Variants in PCNT observed in about 807,000 individuals in gnomAD.
PCNT encodes kendrin.
Under a neutral mutation model 380.4 loss-of-function variants are expected in PCNT, and 319 were observed. That is an observed-to-expected ratio of 0.84 (90% CI 0.77 to 0.92). The LOEUF is 0.92. Ranked by LOEUF, PCNT falls within the 40% of genes least tolerant of loss-of-function variation. The probability of loss-of-function intolerance (pLI) is 0.00; values close to 1 mark genes in which losing one functional copy is unlikely to be tolerated. For missense variants in PCNT, 4,400 were observed against 4,255.3 expected, an observed-to-expected ratio of 1.03 and a Z score of -0.95; for synonymous variants, 1,845 against 1,735.2, an observed-to-expected ratio of 1.06 and a Z score of -1.57.
chr21:46,353,779 G>A (rs1003686020), intron 10 of PCNT, among the ~76,000 whole-genome samples: 3 of 151,008 alleles, frequency 2.0e-5, no homozygotes, highest in Non-Finnish European at 2.9e-5. Context: ...AGTCAGTGGC[G>A]GGCACACTTT....
rs542290755 is a variant in PCNT at position 46,332,571 on chromosome 21, A to G, written c.268-1826A>G. ...TCATGTGAGCGGGCAGCTGATTGAG[A>G]CTACTGTGTCCCCTTTTCGTCCCTC... On this transcript the variant is annotated intron_variant, in intron 2 of 46. Coordinates refer to ENST00000359568, the MANE Select transcript of PCNT (RefSeq NM_006031.6). Among the ~76,000 whole-genome samples the G allele has an allele frequency of 2.0e-5, 3 of 152,200 alleles. No individual in the cohort carries two copies. In the South Asian group the frequency reaches 6.2e-4, roughly 32 times the overall value.
intron 13 of PCNT, among the ~76,000 whole-genome samples, chr21:46,361,195 G>A (rs1345706042): frequency 1.3e-5 from 2 of 152,246 alleles, no homozygotes; most frequent in Middle Eastern, 3.4e-3. Context: ...GACCAGCCTG[G>A]CCAACATGGG....
At chr21:46,377,373 A>G (rs570291696) in intron 15 of PCNT, among the ~76,000 whole-genome samples, 19 of 152,366 alleles carry the variant, frequency 1.2e-4, no homozygotes, top group South Asian at 1.2e-3. Flanking sequence ...AGTAGATACA[A>G]AAAACTTACT....
intron 15 of PCNT, among the ~76,000 whole-genome samples, chr21:46,378,364 C>T (rs991810433): frequency 1.3e-5 from 2 of 152,166 alleles, no homozygotes; most frequent in Admixed American, 6.5e-5. Context: ...GTCTCTGGCA[C>T]GTCTGAATTG....
At chr21:46,429,958 T>C (rs899192057) in intron 35 of PCNT, 52 bp from the exon 36 acceptor site, 7 of 1,464,734 alleles carry the variant, frequency 4.8e-6, no homozygotes, top group Non-Finnish European at 4.8e-6. Context: ...GTGTCACTTG[T>C]GCAGCACGAG....
chr21:46,360,680 A>C (rs974767828), intron 13 of PCNT, among the ~76,000 whole-genome samples: 3 of 150,998 alleles, frequency 2.0e-5, no homozygotes, highest in Admixed American at 2.0e-4. Context: ...CACCACACCC[A>C]GCTAATTTTT....
In PCNT at chr21:46,430,229, T is replaced by C; in HGVS notation, c.7910T>C (p.Leu2637Pro). The part of the protein sequence containing the change: ...LCEVQQEVLQ[L>P]RSMLSSKENE... ...GAGGTGCAGCAGGAGGTCCTCCAGC[T>C]GAGGTGCGCCTGATCCCCCTTCCTG... The change falls in exon 36 of 47, where the codon CTG becomes CCG. Residue 2637 changes from leucine (L) to proline (P), a missense_variant. By Grantham distance (98) the Leu-to-Pro change is moderately conservative. Coordinates refer to ENST00000359568, the MANE Select transcript of PCNT (RefSeq NM_006031.6). The C allele has an allele frequency of 6.2e-7, 1 of 1,612,396 alleles. No individual in the cohort carries two copies. Among genetic ancestry groups the C allele is most frequent in the South Asian group, 1.1e-5 (1 of 91,010 alleles).
At chr21:46,370,823 C>G (rs2085096458) in intron 15 of PCNT, among the ~76,000 whole-genome samples, 1 of 152,176 alleles carries the variant, frequency 6.6e-6, no homozygotes, top group Non-Finnish European at 1.5e-5. Flanking sequence ...ATCATGAGGT[C>G]AGGAGATCAA....
chr21:46,325,034 G>C (rs2083326446), intron 1 of PCNT: 1 of 985,342 alleles, frequency 1.0e-6, no homozygotes, highest in Admixed American at 6.1e-5. Context: ...CGCCTTCAAG[G>C]GACGCGCTCC....
intron 46 of PCNT, among the ~76,000 whole-genome samples, 187 bp from the exon 47 acceptor site, chr21:46,445,097 T>G (rs1249209124): frequency 6.6e-6 from 1 of 152,234 alleles, no homozygotes; most frequent in East Asian, 1.9e-4. Flanking sequence ...ACATAAAGAT[T>G]ATATTTCGAC....
rs1353747268 is a variant in PCNT, at chr21:46,338,352, C to T, written c.639+3584C>T. On this transcript the variant is annotated intron_variant, in intron 3 of 46. Coordinates refer to ENST00000359568, the MANE Select transcript of PCNT (RefSeq NM_006031.6). ...GGCAACCAGTGGTCTGTTTTTTGTT[C>T]TATGGTTTTGCCTTTTCCAGAATGT... 1.3e-5 allele frequency among the ~76,000 whole-genome samples: 2 copies of T among 152,124 alleles called. 1 individual carries two copies. The highest frequency in any genetic ancestry group is 2.9e-5 in the Non-Finnish European group (2 of 68,004).
chr21:46,344,098 T>C (rs912078700), intron 3 of PCNT, among the ~76,000 whole-genome samples: 1 of 151,268 alleles, frequency 6.6e-6, no homozygotes, highest in African/African-American at 2.4e-5. Context: ...GGAGTATCGC[T>C]CTGTCACCCA....
rs1383793434 is a variant in PCNT at position 46,381,760 on chromosome 21, G to A, written c.3232G>A (p.Ala1078Thr). 1 of 1,614,018 alleles carries A rather than the reference G, an allele frequency of 6.2e-7. No homozygotes were observed. Among genetic ancestry groups the A allele is most frequent in the Non-Finnish European group, 8.5e-7 (1 of 1,179,950 alleles). ...AGAGGAGACACTTCGGCTTCAGAGT[G>A]CACAGGCACAGCCTTTTCACCAAGA... ...EKEETLRLQSAQAQPFHQEEK... is the reference protein window; with the variant it reads ...EKEETLRLQSTQAQPFHQEEK... Residue 1078 changes from alanine (A) to threonine (T), a missense_variant, in exon 16 of 47, where the codon GCA becomes ACA. Physicochemically the swap from Ala to Thr is moderately conservative, Grantham distance 58 (BLOSUM62 0). Coordinates refer to ENST00000359568, the MANE Select transcript of PCNT (RefSeq NM_006031.6).
chr21:46,339,583 A>G (rs532742498), intron 3 of PCNT, among the ~76,000 whole-genome samples: 1 of 152,270 alleles, frequency 6.6e-6, no homozygotes, highest in South Asian at 2.1e-4. Context: ...TGGGAGAAAG[A>G]TGGAGGCCAG....
At chr21:46,429,518 C>T (rs530994612) in intron 35 of PCNT, among the ~76,000 whole-genome samples, 51 of 152,162 alleles carry the variant, frequency 3.4e-4, no homozygotes, top group African/African-American at 1.2e-3. Flanking sequence ...TCTGAGTGCT[C>T]GTGAGGGGCA....
In PCNT at chr21:46,411,393, G is replaced by A. The variant is rs201709021; in HGVS notation, c.5320G>A (p.Glu1774Lys). The change falls in exon 28 of 47, where the codon GAG (glutamate) becomes AAG (lysine). Residue 1774 changes from glutamate to lysine, a missense_variant. Physicochemically the swap from Glu to Lys is moderately conservative, Grantham distance 56 (BLOSUM62 1). Transcript: ENST00000359568. The stretch of plus-strand genomic sequence containing the variant: ...CAGTCAGGCTGGCAGTCTGCAGAGC[G>A]AGCTGCTCTGCTCCCAGGCCGGGGG... Reference protein sequence around the residue: ...SDSQAGSLQSELLCSQAGGPR... With the variant: ...SDSQAGSLQSKLLCSQAGGPR... 64 of 1,613,674 alleles carry A rather than the reference G, an allele frequency of 4.0e-5. No individual in the cohort carries two copies. The highest frequency in any genetic ancestry group is 1.3e-5 in the African/African-American group (1 of 74,948).
At chr21:46,443,614 G>C (rs1418280927) in intron 44 of PCNT, among the ~76,000 whole-genome samples, 196 bp from the exon 45 acceptor site, 2 of 152,190 alleles carry the variant, frequency 1.3e-5, no homozygotes, top group Non-Finnish European at 2.9e-5. Context: ...TACCCCTGCA[G>C]ATGCAGATAG....
intron 31 of PCNT, 88 bp from the exon 32 acceptor site, chr21:46,421,882 G>A (rs981743840): frequency 2.9e-5 from 43 of 1,458,090 alleles, no homozygotes; most frequent in South Asian, 7.2e-5. Flanking sequence ...ACTGCGGGCC[G>A]ATCACCCCTG....
intron 13 of PCNT, among the ~76,000 whole-genome samples, chr21:46,359,133 A>C (rs1344350590): frequency 6.6e-6 from 1 of 151,772 alleles, no homozygotes; most frequent in Non-Finnish European, 1.5e-5. Context: ...TTGTATTTTT[A>C]GTAGAGACAG....
Sources: allele counts gnomAD v4.1 joint callset (sites outside exome capture counted in the v4.1 genomes callset), GRCh38; gene constraint gnomAD v4.1.1; transcripts MANE v1.5; gene names NCBI Gene and HGNC (gene_info 2026-07-23, HGNC 2026-07-21).